The following RASAL2 variants were observed in gnomAD, a reference collection of about 807,000 sequenced individuals.
The protein encoded by RASAL2 is ras GTPase-activating protein nGAP.
Under a neutral mutation model 128.9 loss-of-function variants are expected in RASAL2, and 58 were observed. The observed-to-expected ratio is 0.45, with a 90% CI of 0.36 to 0.56. The LOEUF (loss-of-function observed/expected upper bound fraction) is 0.56, where lower values mean the gene tolerates loss of function less well. Ranked by LOEUF, RASAL2 falls within the 20% of genes least tolerant of loss-of-function variation. The probability of loss-of-function intolerance (pLI) is 0.00; values close to 1 mark genes in which losing one functional copy is unlikely to be tolerated. For synonymous variants in RASAL2, 561 were observed against 580.8 expected (o/e 0.97, Z 0.49); for missense variants, 1,360 against 1,601.6 (o/e 0.85, Z 2.57).
intron 1 of RASAL2, among the ~76,000 whole-genome samples, chr1:178,272,600 A>G (rs976017379): frequency 6.6e-6 from 1 of 152,122 alleles, no homozygotes; most frequent in Non-Finnish European, 1.5e-5. Context: ...TTAGTTCAAG[A>G]TGGGCTTGAA....
At position 178,160,329 on chromosome 1, in the gene RASAL2, G is replaced by A. The variant is rs113025802; in HGVS notation, c.202+65635G>A. ...AGATCAGGTTGGTAATAAGGGGGTC[G>A]TATTTGTATTAAACCTATTGTGTCG... On this transcript the variant is annotated intron_variant, in intron 1 of 17. Transcript: ENST00000367649. 9.7e-3 allele frequency among the ~76,000 whole-genome samples: 1,472 copies of A among 152,166 alleles called. 22 individuals are homozygous for A. The highest frequency in any genetic ancestry group is 0.033 in the African/African-American group (1,377 of 41,526).
At position 178,094,364 on chromosome 1, in the gene RASAL2, G is replaced by C. The variant is rs921550672; in HGVS notation, c.-129G>C. ...GGGGAAGGAGGTGAGAGGTGTCCGC[G>C]CCGGCTGCCGCTCGGGTCCCTGCCC... On this transcript the variant is annotated 5_prime_UTR_variant, in exon 1 of 18. Coordinates refer to ENST00000367649, the MANE Select transcript of RASAL2 (RefSeq NM_170692.4). The C allele has an allele frequency of 1.2e-6, 1 of 864,590 alleles. No homozygotes were observed. Among genetic ancestry groups the C allele is most frequent in the Admixed American group, 3.4e-5 (1 of 29,076 alleles). The allele number at this position is 864,590 out of a possible 1,614,324, so 53.6% of individuals were successfully genotyped here. A position where few individuals can be genotyped will look rare whatever the true frequency, so the allele number is the denominator to read the frequency against.
At chr1:178,331,396 C>T (rs905487490) in intron 3 of RASAL2, among the ~76,000 whole-genome samples, 7 of 151,964 alleles carry the variant, frequency 4.6e-5, no homozygotes, top group Admixed American at 2.0e-4. Flanking sequence ...AATCCCTATG[C>T]CCTTATAAAA....
chr1:178,388,510 G>A (rs578098242), intron 3 of RASAL2, among the ~76,000 whole-genome samples: 2 of 152,298 alleles, frequency 1.3e-5, no homozygotes, highest in East Asian at 3.9e-4. Flanking sequence ...TTAAAATACA[G>A]TAGTAGTATG....
intron 1 of RASAL2, among the ~76,000 whole-genome samples, chr1:178,111,295 G>A (rs1659312636): frequency 6.6e-6 from 1 of 152,174 alleles, no homozygotes; most frequent in South Asian, 2.1e-4. Context: ...TTTTTGTAGA[G>A]ACAGGGTTTT....
chr1:178,190,800 G>A (rs1662469654), intron 1 of RASAL2, among the ~76,000 whole-genome samples: 1 of 151,384 alleles, frequency 6.6e-6, no homozygotes, highest in South Asian at 2.1e-4. Context: ...GTCCATTTTA[G>A]AGCATAGGTT....
intron 1 of RASAL2, among the ~76,000 whole-genome samples, chr1:178,130,459 A>T (rs2102300620): frequency 6.6e-6 from 1 of 152,366 alleles, no homozygotes; most frequent in East Asian, 1.9e-4. Flanking sequence ...ACATAATCTC[A>T]ACTATATCAC....
chr1:178,391,042 A>T (rs1672875052), intron 4 of RASAL2, among the ~76,000 whole-genome samples: 2 of 152,210 alleles, frequency 1.3e-5, no homozygotes, highest in Admixed American at 6.5e-5. Flanking sequence ...TTGGATGACC[A>T]TGGAAGTGCT....
chr1:178,470,812 C>A, intron 17 of RASAL2: 1 of 1,091,996 alleles, frequency 9.2e-7, no homozygotes, highest in Non-Finnish European at 1.3e-6. Flanking sequence ...GCTCCTGCCA[C>A]TCCCCACATG....
intron 1 of RASAL2, among the ~76,000 whole-genome samples, chr1:178,259,629 G>A (rs1665561092): frequency 6.6e-6 from 1 of 152,160 alleles, no homozygotes; most frequent in African/African-American, 2.4e-5. Context: ...ACTGGACAGT[G>A]CAGTGGTGTG....
intron 1 of RASAL2, among the ~76,000 whole-genome samples, chr1:178,283,080 G>A (rs1557875662): frequency 6.6e-6 from 1 of 152,122 alleles, no homozygotes; most frequent in East Asian, 1.9e-4. Context: ...CGATGCTGTT[G>A]TTTAAACATT....
chr1:178,207,844 A>T (rs1353976768), intron 1 of RASAL2, among the ~76,000 whole-genome samples: 1 of 152,128 alleles, frequency 6.6e-6, no homozygotes, highest in African/African-American at 2.4e-5. Context: ...CTTATACCAC[A>T]CAGTTCCACT....
chr1:178,380,789 A>G (rs1672240017), intron 3 of RASAL2, among the ~76,000 whole-genome samples: 1 of 152,218 alleles, frequency 6.6e-6, no homozygotes. Flanking sequence ...ATTTAGACAC[A>G]ATCACAAGAT....
At position 178,101,042 on chromosome 1, in the gene RASAL2, C is replaced by T. The variant is rs559174240; in HGVS notation, c.202+6348C>T. Among the ~76,000 whole-genome samples, 3 of 152,202 alleles carry T rather than the reference C, an allele frequency of 2.0e-5. No homozygotes were observed. The South Asian group carries it at 6.2e-4, about 32-fold the overall frequency. On this transcript the variant is annotated intron_variant, in intron 1 of 17. Transcript: ENST00000367649. ...TCTTCCCAAAGGCTGTCAAGTACTT[C>T]TTAAGGCTAGCATGTAGAAAACCCT...
chr1:178,143,695 A>G (rs1660617160), intron 1 of RASAL2, among the ~76,000 whole-genome samples: 1 of 152,008 alleles, frequency 6.6e-6, no homozygotes, highest in Non-Finnish European at 1.5e-5. Context: ...CTCTGATGCA[A>G]CTGGGATTGG....
At chr1:178,144,505 C>T (rs1055049696) in intron 1 of RASAL2, among the ~76,000 whole-genome samples, 1 of 152,172 alleles carries the variant, frequency 6.6e-6, no homozygotes, top group Non-Finnish European at 1.5e-5. Flanking sequence ...TTGCCTAATA[C>T]TGTGTATCAT....
chr1:178,375,212 G>T lies in RASAL2; in HGVS notation c.458-14888G>T, dbSNP rs568091510. 2.0e-5 allele frequency among the ~76,000 whole-genome samples: 3 copies of T among 152,138 alleles called. No homozygotes were observed. The South Asian group carries it at 6.2e-4, about 32-fold the overall frequency. Reference sequence around the variant, plus strand: ...TTCTGTATGAAAGCAGTGTCCTGAGGAACATTAAATAATTTCACATCCGGT... The same window carrying T: ...TTCTGTATGAAAGCAGTGTCCTGAGTAACATTAAATAATTTCACATCCGGT... On this transcript the variant is annotated intron_variant, in intron 3 of 17. Coordinates refer to ENST00000367649, the MANE Select transcript of RASAL2 (RefSeq NM_170692.4).
intron 1 of RASAL2, among the ~76,000 whole-genome samples, chr1:178,205,821 G>A (rs1161454253): frequency 1.3e-5 from 2 of 151,812 alleles, no homozygotes; most frequent in East Asian, 1.9e-4. Context: ...AGATGTATAC[G>A]TCCTCACCAA....
At chr1:178,199,187 C>T (rs1258662096) in intron 1 of RASAL2, among the ~76,000 whole-genome samples, 2 of 152,188 alleles carry the variant, frequency 1.3e-5, no homozygotes. Context: ...GGCAGTGTCC[C>T]GATTTCCTAG....
Sources: allele counts gnomAD v4.1 joint callset (sites outside exome capture counted in the v4.1 genomes callset), GRCh38; gene constraint gnomAD v4.1.1; transcripts MANE v1.5; gene names NCBI Gene and HGNC (gene_info 2026-07-23, HGNC 2026-07-21).